Variants in ZNF112 observed in about 807,000 individuals in gnomAD.
ZNF112 encodes zinc finger protein 112, also known as zinc finger protein 112 (Y14).
Under a neutral mutation model 77.7 loss-of-function variants are expected in ZNF112, and 37 were observed. The observed-to-expected ratio is 0.48, with a 90% CI of 0.37 to 0.63. ZNF112 has a LOEUF of 0.63. Ranked by LOEUF, ZNF112 falls within the 20% of genes least tolerant of loss-of-function variation. The pLI is 0.00. For synonymous variants in ZNF112, 333 were observed against 363.6 expected, an observed-to-expected ratio of 0.92 and a Z score of 0.96; for missense variants, 950 against 1,077.4, an observed-to-expected ratio of 0.88 and a Z score of 1.66.
At position 44,327,509 on chromosome 19, in the gene ZNF112, T is replaced by C. The variant is rs1179673597; in HGVS notation, c.2648A>G (p.Tyr883Cys). 1 of 1,613,866 alleles carries C rather than the reference T, an allele frequency of 6.2e-7. No homozygotes were observed. Among genetic ancestry groups the C allele is most frequent in the Non-Finnish European group, 8.5e-7 (1 of 1,179,942 alleles). ...GTCCTTACCATAGTCTTCGCTTTTA[T>C]AGAATTTATCACTACTATGGACTCT... The part of the protein sequence containing the change: ...HQRVHSSDKF[Y>C]KSEDYGKDYP... The change falls in exon 4 of 4, where the codon TAT becomes TGT. Residue 883 changes from tyrosine (Y) to cysteine (C), a missense_variant. Tyr to Cys is a radical substitution (Grantham distance 194). This residue lies in a region of ZNF112 where 373 missense variants were observed against 482.8 expected (regional missense o/e 0.77). Transcript: ENST00000354340.
upstream of ZNF112, among the ~76,000 whole-genome samples, chr19:44,360,974 GATAA>G (rs982627045): frequency 2.0e-5 from 3 of 152,156 alleles, no homozygotes; most frequent in Admixed American, 1.3e-4. Flanking sequence ...TGATAGTATG[GATAA>G]ATATTTTTGT....
At chr19:44,347,747 T>C (rs1267468234) in intron 1 of ZNF112, among the ~76,000 whole-genome samples, 1 of 152,066 alleles carries the variant, frequency 6.6e-6, no homozygotes, top group African/African-American at 2.4e-5. Flanking sequence ...AAGAAAGTTA[T>C]AATTTTTATT....
chr19:44,336,759 T>C (rs755807707), intron 2 of ZNF112, 41 bp from the exon 3 acceptor site: 1 of 1,542,646 alleles, frequency 6.5e-7, no homozygotes. Context: ...TTAAGTTTGA[T>C]GACATTCAAT....
rs1423693532 is a variant in ZNF112, at chr19:44,327,411, T to C, written c.*22A>G. 4 of 1,541,212 alleles carry C rather than the reference T, an allele frequency of 2.6e-6. No homozygotes were observed. In the African/African-American group the frequency reaches 5.6e-5, roughly 21 times the overall value. ...TGAAAGAACTCTAGTGACTGGAAAA[T>C]TTCAGCTCCCATTTGAGGACTTCAA... On this transcript the variant is annotated 3_prime_UTR_variant, in exon 4 of 4. Transcript: ENST00000354340.
chr19:44,340,964 C>T (rs773742341), intron 1 of ZNF112, among the ~76,000 whole-genome samples: 7 of 152,162 alleles, frequency 4.6e-5, no homozygotes, highest in Admixed American at 2.0e-4. Context: ...GTAGCTCATC[C>T]TCTGTGCTCA....
chr19:44,328,004 T>G lies in ZNF112; in HGVS notation c.2153A>C (p.Glu718Ala). 1 of 1,613,916 alleles carries G rather than the reference T, an allele frequency of 6.2e-7. No individual in the cohort carries two copies. The highest frequency in any genetic ancestry group is 8.5e-7 in the Non-Finnish European group (1 of 1,179,968). ...VHSGERPYIC[E>A]VCGKGFSQRA... ...CTGACTGAAGCCCTTTCCACATACC[T>G]CACATATATATGGTCTTTCTCCAGA... The change falls in exon 4 of 4, where the codon GAG (glutamate) becomes GCG (alanine). Residue 718 changes from glutamate to alanine, a missense_variant. Glu to Ala is a moderately radical substitution (Grantham distance 107). Coordinates refer to ENST00000354340, the MANE Select transcript of ZNF112 (RefSeq NM_013380.4).
intron 1 of ZNF112, among the ~76,000 whole-genome samples, chr19:44,354,049 T>C (rs764140316): frequency 9.2e-5 from 14 of 152,182 alleles, no homozygotes; most frequent in African/African-American, 1.4e-4. Flanking sequence ...AAATGAAGTA[T>C]TGATACGTAT....
chr19:44,339,202 A>G (rs1262011105), intron 2 of ZNF112, among the ~76,000 whole-genome samples: 2 of 152,216 alleles, frequency 1.3e-5, no homozygotes, highest in Non-Finnish European at 2.9e-5. Context: ...GCAGTAAAGG[A>G]AAGAGTTAGT....
In ZNF112 at chr19:44,340,602, T is replaced by A. The variant is rs111966491; in HGVS notation, c.-3-60A>T. 22 of 1,610,976 alleles carry A rather than the reference T, an allele frequency of 1.4e-5. 1 individual carries two copies. In the African/African-American group the frequency reaches 1.6e-4, roughly 12 times the overall value. On this transcript the variant is annotated intron_variant, in intron 1 of 3. Transcript: ENST00000354340. ...GAAGAAGGGCAGTGCTGAGAAGGTG[T>A]AAAGGACTGGAAGCTGTTCTGGAGT...
rs1970430738 is a variant in ZNF112 at position 44,338,547 on chromosome 19, A to G, written c.125-1829T>C. Among the ~76,000 whole-genome samples the G allele has an allele frequency of 3.9e-5, 6 of 152,318 alleles. No homozygotes were observed. In the South Asian group the frequency reaches 1.0e-3, roughly 26 times the overall value. ...CCTCAAAAGTGCACACTCTACCTAC[A>G]TAGTGTTCCTGCTGCATGGATCATC... On this transcript the variant is annotated intron_variant, in intron 2 of 3. Coordinates refer to ENST00000354340, the MANE Select transcript of ZNF112 (RefSeq NM_013380.4).
In ZNF112 at chr19:44,329,240, T is replaced by C. The variant is rs139144079; in HGVS notation, c.917A>G (p.Asp306Gly). Reference sequence around the variant, plus strand: ...GGATTTCAGATGTGAATTCTCAATATCATCTTCTCTCTCAATATTTTGATG... The same window carrying C: ...GGATTTCAGATGTGAATTCTCAATACCATCTTCTCTCTCAATATTTTGATG... ...HIHQNIERED[D>G]IENSHLKSYQ... Residue 306 changes from aspartate (D) to glycine (G), a missense_variant, in exon 4 of 4, where the codon GAT (aspartate) becomes GGT (glycine). By Grantham distance (94) the Asp-to-Gly change is moderately conservative. This residue lies in a region of ZNF112 where 560 missense variants were observed against 557.3 expected (regional missense o/e 1.00). Transcript: ENST00000354340. The C allele has an allele frequency of 7.6e-5, 122 of 1,613,774 alleles. No homozygotes were observed. Among genetic ancestry groups the C allele is most frequent in the Non-Finnish European group, 9.9e-5 (117 of 1,179,982 alleles).
chr19:44,357,124 A>G (rs1970800425), upstream of ZNF112, among the ~76,000 whole-genome samples: 1 of 152,190 alleles, frequency 6.6e-6, no homozygotes, highest in South Asian at 2.1e-4. Flanking sequence ...GTATTTGTAT[A>G]GTCACTATTC....
chr19:44,343,381 T>C, intron 1 of ZNF112: 1 of 1,208,644 alleles, frequency 8.3e-7, no homozygotes. Context: ...TAGAAAAAGG[T>C]GTCCCTTCCC....
intron 1 of ZNF112, among the ~76,000 whole-genome samples, chr19:44,355,727 T>C (rs11881753): frequency 0.034 from 5,238 of 152,298 alleles, 244 homozygotes; most frequent in African/African-American, 0.11. Context: ...ATCAAACTCT[T>C]AGAATGATCA....
intron 1 of ZNF112, chr19:44,343,195 T>C (rs1018004091): frequency 1.3e-6 from 2 of 1,591,324 alleles, no homozygotes; most frequent in Non-Finnish European, 1.7e-6. Flanking sequence ...GAAAAAGATA[T>C]GTCCACTCAC....
chr19:44,351,212 T>TTCTTA (rs1200332761), intron 1 of ZNF112, among the ~76,000 whole-genome samples: 1 of 152,068 alleles, frequency 6.6e-6, no homozygotes, highest in African/African-American at 2.4e-5. Context: ...ATCCTTGTAA[T>TTCTTA]TACACTGGGC....
At chr19:44,335,982 G>A (rs370637119) in intron 3 of ZNF112, among the ~76,000 whole-genome samples, 20 of 152,314 alleles carry the variant, frequency 1.3e-4, no homozygotes, top group Admixed American at 1.2e-3. Context: ...GTTTGGGTGC[G>A]AGAGTATGGG....
intron 1 of ZNF112, among the ~76,000 whole-genome samples, chr19:44,344,865 T>C (rs754991345): frequency 6.6e-6 from 1 of 152,006 alleles, no homozygotes; most frequent in Non-Finnish European, 1.5e-5. Flanking sequence ...AGGCAGAAAA[T>C]GTAAGAAGAC....
Position 44,328,743 on chromosome 19 carries a change from T to C in ZNF112, c.1414A>G (p.Asn472Asp), listed in dbSNP as rs1970191812. ...AGATATAAATTATGGCTGAAGCTGT[T>C]ACTACACACATAGCGTTTATATGGT... ...EQPYKRYVCS[N>D]SFSHNLYLQG... is the part of the protein sequence containing the mutation. Residue 472 changes from asparagine (N) to aspartate (D), a missense_variant, in exon 4 of 4, where the codon AAC (asparagine) becomes GAC (aspartate). This residue lies in a region of ZNF112 where 560 missense variants were observed against 557.3 expected (regional missense o/e 1.00). Coordinates refer to ENST00000354340, the MANE Select transcript of ZNF112 (RefSeq NM_013380.4). 1.9e-6 allele frequency: 3 copies of C among 1,614,066 alleles called. No individual in the cohort carries two copies. The highest frequency in any genetic ancestry group is 1.7e-4 in the Middle Eastern group (1 of 6,060).
Sources: allele counts gnomAD v4.1 joint callset (sites outside exome capture counted in the v4.1 genomes callset), GRCh38; gene constraint gnomAD v4.1.1; regional missense constraint gnomAD v4.1.1; transcripts MANE v1.5; gene names NCBI Gene and HGNC (gene_info 2026-07-23, HGNC 2026-07-21).